SKAP1: variants seen among roughly 807,000 people sequenced by gnomAD.
SKAP1 encodes the protein src kinase associated phosphoprotein 1.
In SKAP1, 44 loss-of-function variants were observed where a neutral mutation model predicts 58.5. That is an observed-to-expected ratio of 0.75 (90% CI 0.59 to 0.97). The LOEUF (loss-of-function observed/expected upper bound fraction) is 0.97. Among genes scored for constraint, SKAP1 ranks in the 50% least tolerant of loss-of-function variants. The pLI is 0.00. For missense variants in SKAP1, 390 were observed against 435.2 expected (o/e 0.90, Z 0.92); for synonymous variants, 127 against 149.7 (o/e 0.85, Z 1.11).
At chr17:48,155,052 A>G (rs2063954655) in intron 11 of SKAP1, among the ~76,000 whole-genome samples, 1 of 143,796 alleles carries the variant, frequency 7.0e-6, no homozygotes, top group Non-Finnish European at 1.5e-5. Flanking sequence ...TGGGTGACAG[A>G]GCAAGACTCT....
At chr17:48,205,015 T>TTCTTTCTTTCTTTG (rs751542564) in intron 4 of SKAP1, among the ~76,000 whole-genome samples, 5 of 55,706 alleles carry the variant, frequency 9.0e-5, no homozygotes, top group Non-Finnish European at 1.1e-4. Context: ...CTTTCTTTCT[T>TTCTTTCTTTCTTTG]TTTCTTTCTT....
intron 4 of SKAP1, among the ~76,000 whole-genome samples, chr17:48,192,434 A>C (rs926630907): frequency 6.6e-6 from 1 of 152,154 alleles, no homozygotes; most frequent in Non-Finnish European, 1.5e-5. Context: ...TTTAAATGCC[A>C]TTTTATGGAA....
intron 9 of SKAP1, among the ~76,000 whole-genome samples, 168 bp from the exon 10 acceptor site, chr17:48,170,827 C>T (rs1383098062): frequency 1.3e-5 from 2 of 151,948 alleles, no homozygotes; most frequent in African/African-American, 4.8e-5. Context: ...TCTCCTGCCT[C>T]AGCCCCCTGA....
rs749545521 is a variant in SKAP1 at position 48,190,633 on chromosome 17, A to G, written c.281-1133T>C. The stretch of plus-strand genomic sequence containing the variant: ...TGAACATAAATTTTTTTAAGTTCAT[A>G]GAAGAAGGGCTATGCAAGCTGAACT... On this transcript the variant is annotated intron_variant, in intron 4 of 12. Transcript: ENST00000336915. Among the ~76,000 whole-genome samples, 21 of 152,284 alleles carry G rather than the reference A, an allele frequency of 1.4e-4. No individual in the cohort carries two copies. In the South Asian group the frequency reaches 2.3e-3, roughly 17 times the overall value.
chr17:48,325,830 T>C (rs189272981), intron 4 of SKAP1, among the ~76,000 whole-genome samples: 46 of 152,344 alleles, frequency 3.0e-4, no homozygotes, highest in Admixed American at 2.4e-3. Flanking sequence ...GTAATCTTTA[T>C]GGAAGGGAAA....
At chr17:48,158,459 T>C (rs1040782030) in intron 11 of SKAP1, among the ~76,000 whole-genome samples, 9 of 143,556 alleles carry the variant, frequency 6.3e-5, no homozygotes, top group African/African-American at 2.1e-4. Context: ...TCCCAGCTAC[T>C]CGGGAGGCTG....
At chr17:48,403,345 T>C (rs573169559) in intron 1 of SKAP1, among the ~76,000 whole-genome samples, 1 of 152,066 alleles carries the variant, frequency 6.6e-6, no homozygotes, top group East Asian at 1.9e-4. Context: ...TCCAGCTGGG[T>C]GACAGTGCAA....
chr17:48,140,914 G>C (rs1416910886), intron 11 of SKAP1, among the ~76,000 whole-genome samples: 1 of 151,762 alleles, frequency 6.6e-6, no homozygotes, highest in African/African-American at 2.4e-5. Flanking sequence ...AGCCTCCCGA[G>C]TAGCTAGGAC....
intron 4 of SKAP1, among the ~76,000 whole-genome samples, chr17:48,293,852 T>C (rs2065929143): frequency 6.6e-6 from 1 of 152,202 alleles, no homozygotes; most frequent in Non-Finnish European, 1.5e-5. Context: ...GGTATTGCTA[T>C]AATTTGCTCT....
chr17:48,441,833 T>C, the SKAP1 span, among the ~76,000 whole-genome samples: 10 of 152,212 alleles, frequency 6.6e-5, no homozygotes, highest in African/African-American at 2.4e-4. Context: ...CTTTCCTTTT[T>C]ATTAAAGGAC....
intron 11 of SKAP1, among the ~76,000 whole-genome samples, chr17:48,157,920 GTAATC>G (rs1383169540): frequency 1.3e-4 from 19 of 149,922 alleles, no homozygotes; most frequent in African/African-American, 4.6e-4. Context: ...GCTCACACCT[GTAATC>G]CCAACACTTT....
chr17:48,207,561 T>C (rs1288395665), intron 4 of SKAP1, among the ~76,000 whole-genome samples: 1 of 152,122 alleles, frequency 6.6e-6, no homozygotes, highest in East Asian at 1.9e-4. Flanking sequence ...AATACTTTAA[T>C]AATCTGTAGT....
At position 48,410,005 on chromosome 17, in the gene SKAP1, T is replaced by C. The variant is rs144874879; in HGVS notation, c.47-13220A>G. ...GAAAGGGAAAAGGCGCTGACCTAAGTAGCTTTGGAAATGAGCAGAATTTGC... is the reference window on the plus strand; with the variant it reads ...GAAAGGGAAAAGGCGCTGACCTAAGCAGCTTTGGAAATGAGCAGAATTTGC... On this transcript the variant is annotated intron_variant, in intron 1 of 12. Transcript: ENST00000336915. Among the ~76,000 whole-genome samples, 124 of 152,292 alleles carry C rather than the reference T, an allele frequency of 8.1e-4. 1 individual carries two copies. The highest frequency in any genetic ancestry group is 3.4e-3 in the Middle Eastern group (1 of 294).
intron 1 of SKAP1, among the ~76,000 whole-genome samples, chr17:48,411,122 G>A (rs912599371): frequency 2.6e-5 from 4 of 151,876 alleles, no homozygotes; most frequent in Non-Finnish European, 5.9e-5. Flanking sequence ...AAGTGAGGCC[G>A]GGCACGGTGG....
chr17:48,254,862 A>G (rs941657364), intron 4 of SKAP1, among the ~76,000 whole-genome samples: 2 of 152,056 alleles, frequency 1.3e-5, no homozygotes, highest in Admixed American at 1.3e-4. Context: ...TACAATTCTA[A>G]CATCATCAGC....
At chr17:48,199,128 TAAAAAG>T (rs2064689844) in intron 4 of SKAP1, among the ~76,000 whole-genome samples, 1 of 152,130 alleles carries the variant, frequency 6.6e-6, no homozygotes, top group Admixed American at 6.5e-5. Flanking sequence ...GAAAAGGAAA[TAAAAAG>T]AAAAGAGCCT....
At chr17:48,271,765 C>T (rs1011452564) in intron 4 of SKAP1, among the ~76,000 whole-genome samples, 3 of 152,090 alleles carry the variant, frequency 2.0e-5, no homozygotes. Context: ...CATACTTTCT[C>T]CAATCTTCTG....
chr17:48,212,307 G>T (rs1170950318), intron 4 of SKAP1, among the ~76,000 whole-genome samples: 2 of 150,608 alleles, frequency 1.3e-5, no homozygotes, highest in African/African-American at 4.9e-5. Context: ...TAAATGAAGT[G>T]TTGGTTTATC....
rs547544785 is a variant in SKAP1, at chr17:48,301,630, C to T, written c.280+44275G>A. 9.9e-5 allele frequency among the ~76,000 whole-genome samples: 15 copies of T among 152,260 alleles called. No homozygotes were observed. In the South Asian group the frequency reaches 3.1e-3, roughly 32 times the overall value. On this transcript the variant is annotated intron_variant, in intron 4 of 12. Coordinates refer to ENST00000336915, the MANE Select transcript of SKAP1 (RefSeq NM_003726.4). ...TAGCTGGGATTACAGGCACCCACCA[C>T]CATGCCCAGCTAATTTTTGCAGTTT...
Sources: gnomAD v4.1 joint callset for allele counts (sites outside exome capture counted in the v4.1 genomes callset) on GRCh38, gnomAD v4.1.1 for gene constraint, MANE v1.5 for transcripts, NCBI Gene and HGNC (gene_info 2026-07-23, HGNC 2026-07-21) for gene names.